Variants in ZNF277 observed in about 807,000 individuals in gnomAD.
The protein encoded by ZNF277 is nuclear receptor-interacting factor 4.
In ZNF277, 55 loss-of-function variants were observed where a neutral mutation model predicts 60.7. That is an observed-to-expected ratio of 0.91 (90% CI 0.73 to 1.13). The LOEUF (loss-of-function observed/expected upper bound fraction) is 1.13, where lower values mean the gene tolerates loss of function less well. ZNF277 is among the 50% of genes most tolerant of loss of function. The pLI is 0.00. For missense variants in ZNF277, 510 were observed against 523.0 expected, an observed-to-expected ratio of 0.98 and a Z score of 0.24; for synonymous variants, 178 against 179.3, an observed-to-expected ratio of 0.99 and a Z score of 0.06.
intron 1 of ZNF277, among the ~76,000 whole-genome samples, chr7:112,237,414 T>C (rs903590788): frequency 5.3e-5 from 8 of 151,296 alleles, no homozygotes; most frequent in African/African-American, 1.9e-4. Context: ...AAAAAATCAA[T>C]GAAACAAAAA....
chr7:112,327,146 A>G (rs1793115837), intron 5 of ZNF277, among the ~76,000 whole-genome samples: 1 of 152,166 alleles, frequency 6.6e-6, no homozygotes, highest in South Asian at 2.1e-4. Flanking sequence ...ATGAATTGGA[A>G]AAGTAGAAGC....
intron 5 of ZNF277, among the ~76,000 whole-genome samples, chr7:112,325,844 A>G (rs1189348698): frequency 6.6e-6 from 1 of 152,292 alleles, no homozygotes; most frequent in East Asian, 1.9e-4. Flanking sequence ...AAGGACTGTC[A>G]GTCTGTTCCA....
intron 1 of ZNF277, among the ~76,000 whole-genome samples, chr7:112,256,442 T>G (rs988432661): frequency 8.1e-5 from 12 of 147,376 alleles, no homozygotes; most frequent in Non-Finnish European, 1.3e-4. Flanking sequence ...TTTTTTTTTT[T>G]TTTTTGAGAA....
chr7:112,300,619 G>C (rs1792452212), intron 4 of ZNF277, among the ~76,000 whole-genome samples: 1 of 152,150 alleles, frequency 6.6e-6, no homozygotes, highest in Admixed American at 6.6e-5. Flanking sequence ...TTCATGAATT[G>C]AGTTCATCCA....
At chr7:112,220,247 C>G (rs921216732) in intron 1 of ZNF277, among the ~76,000 whole-genome samples, 11 of 151,746 alleles carry the variant, frequency 7.2e-5, no homozygotes, top group African/African-American at 2.7e-4. Context: ...ATAGTTTTCC[C>G]TGTACAGATC....
At chr7:112,290,089 G>C (rs1360662827) in intron 2 of ZNF277, among the ~76,000 whole-genome samples, 2 of 152,194 alleles carry the variant, frequency 1.3e-5, no homozygotes, top group African/African-American at 4.8e-5. Context: ...GCCTCCTGAA[G>C]TGTTGGGATT....
chr7:112,215,070 T>C (rs1289440944), intron 1 of ZNF277, among the ~76,000 whole-genome samples: 1 of 152,194 alleles, frequency 6.6e-6, no homozygotes, highest in Non-Finnish European at 1.5e-5. Flanking sequence ...ATGATGCTAC[T>C]GATAAAAGTC....
chr7:112,263,317 G>A (rs553336586), intron 1 of ZNF277, among the ~76,000 whole-genome samples: 1 of 152,294 alleles, frequency 6.6e-6, no homozygotes, highest in East Asian at 1.9e-4. Flanking sequence ...ATTAAATGAG[G>A]CTGTTGCCAA....
At chr7:112,254,357 A>C (rs893122506) in intron 1 of ZNF277, among the ~76,000 whole-genome samples, 1 of 152,172 alleles carries the variant, frequency 6.6e-6, no homozygotes, top group African/African-American at 2.4e-5. Context: ...AATGGAGCCC[A>C]ATACTCTGTT....
intron 2 of ZNF277, among the ~76,000 whole-genome samples, 165 bp from the exon 3 acceptor site, chr7:112,295,704 T>C (rs998381001): frequency 2.6e-5 from 4 of 152,176 alleles, no homozygotes; most frequent in African/African-American, 9.6e-5. Flanking sequence ...ACTTCTATAA[T>C]GCTCCACTGC....
intron 7 of ZNF277, among the ~76,000 whole-genome samples, chr7:112,334,152 C>T (rs1793282633): frequency 6.6e-6 from 1 of 152,042 alleles, no homozygotes; most frequent in Admixed American, 6.6e-5. Context: ...CTTTCTGTTT[C>T]TGGTGGAGTT....
intron 10 of ZNF277, 68 bp downstream of exon 10, chr7:112,339,953 C>G (rs1450952178): frequency 4.9e-6 from 7 of 1,423,402 alleles, no homozygotes; most frequent in Non-Finnish European, 6.9e-6. Flanking sequence ...TAAGCTATGC[C>G]TATGTTCAGT....
chr7:112,306,143 C>G (rs1165137454), intron 4 of ZNF277, among the ~76,000 whole-genome samples: 2 of 151,464 alleles, frequency 1.3e-5, no homozygotes, highest in Admixed American at 1.3e-4. Context: ...AACTTTAATC[C>G]TAAATTCTAA....
At chr7:112,336,209 C>A in intron 8 of ZNF277, 38 bp downstream of exon 8, 1 of 1,551,690 alleles carries the variant, frequency 6.4e-7, no homozygotes, top group Non-Finnish European at 8.8e-7. Context: ...TTGCAGTGTT[C>A]CAAGAGTAAG....
intron 4 of ZNF277, among the ~76,000 whole-genome samples, chr7:112,297,643 C>T (rs1792385456): frequency 6.6e-6 from 1 of 152,156 alleles, no homozygotes; most frequent in African/African-American, 2.4e-5. Flanking sequence ...AATAGGACTT[C>T]CTGAGTTTCT....
At position 112,342,728 on chromosome 7, in the gene ZNF277, A is replaced by T; in HGVS notation, c.1352A>T (p.Ter451LeuextTer6). 6.3e-7 allele frequency: 1 copy of T among 1,587,502 alleles called. No homozygotes were observed. Among genetic ancestry groups the T allele is most frequent in the South Asian group, 1.1e-5 (1 of 87,350 alleles). Residue 451 changes from the stop codon to leucine, a stop_lost, in exon 12 of 12, where the codon TAA becomes TTA. Coordinates refer to ENST00000361822, the MANE Select transcript of ZNF277 (RefSeq NM_021994.3). ...AGTATTTTGAACCAGTTGCTACTAT[A>T]AGAGTACTTGAAAACCTAGAAGAAA... ...QSSILNQLLL[*>L]
At chr7:112,335,948 T>C (rs1793320745) in intron 7 of ZNF277, among the ~76,000 whole-genome samples, 156 bp from the exon 8 acceptor site, 1 of 152,232 alleles carries the variant, frequency 6.6e-6, no homozygotes, top group South Asian at 2.1e-4. Context: ...CCATCATAAG[T>C]TGGGCCATCT....
rs113847283 is a variant in ZNF277 at position 112,337,967 on chromosome 7, C to T, written c.966+141C>T. 5.2e-4 allele frequency: 331 copies of T among 641,924 alleles called. 1 individual carries two copies. In the African/African-American group the frequency reaches 5.4e-3, roughly 11 times the overall value. 39.8% of individuals were successfully genotyped at this position (641,924 alleles called of 1,614,324 possible). On this transcript the variant is annotated intron_variant, in intron 9 of 11. Transcript: ENST00000361822. ...GACAGGCCAGGTCTGTCAGGGAGAA[C>T]CAGAGCTCAGGGCAATTTAGTTAGT...
intron 5 of ZNF277, among the ~76,000 whole-genome samples, chr7:112,319,951 T>C (rs1441787444): frequency 1.3e-5 from 2 of 151,990 alleles, no homozygotes; most frequent in African/African-American, 4.8e-5. Context: ...ACATTACTAC[T>C]GACAATGTTT....
Sources: gnomAD v4.1 joint callset for allele counts (sites outside exome capture counted in the v4.1 genomes callset) on GRCh38, gnomAD v4.1.1 for gene constraint, MANE v1.5 for transcripts, NCBI Gene and HGNC (gene_info 2026-07-23, HGNC 2026-07-21) for gene names.